OVCH1: variants seen among roughly 807,000 people sequenced by gnomAD.
OVCH1 encodes the protein ovochymase 1, also known as ovochymase-1.
In OVCH1, 139 loss-of-function variants were observed where a neutral mutation model predicts 138.4. That is an observed-to-expected ratio of 1.00 (90% CI 0.87 to 1.16). The LOEUF is 1.16. Ranked by LOEUF, OVCH1 falls within the 50% of genes most tolerant of loss-of-function variation. OVCH1 has a pLI of 0.00. For missense variants in OVCH1, 1,367 were observed against 1,357.9 expected (o/e 1.01, Z -0.11); for synonymous variants, 453 against 467.8 (o/e 0.97, Z 0.41).
intron 19 of OVCH1, chr12:29,461,632 G>A (rs974267839): frequency 4.2e-5 from 25 of 602,262 alleles, no homozygotes; most frequent in Middle Eastern, 2.7e-4. Flanking sequence ...TGAACCCACC[G>A]GCCTTTGTCG....
chr12:29,461,717 C>A, intron 19 of OVCH1, 137 bp downstream of exon 19: 1 of 1,058,378 alleles, frequency 9.4e-7, no homozygotes, highest in Non-Finnish European at 1.4e-6. Context: ...TCTGTTGCCC[C>A]ACTGGTCTTC....
chr12:29,439,646 T>C (rs1941437268), intron 25 of OVCH1, among the ~76,000 whole-genome samples: 1 of 152,154 alleles, frequency 6.6e-6, no homozygotes, highest in Non-Finnish European at 1.5e-5. Context: ...ATTCTGACAT[T>C]ATCTACCTTG....
At chr12:29,423,465 G>A (rs1157268095), downstream of OVCH1, among the ~76,000 whole-genome samples, 1 of 152,188 alleles carries the variant, frequency 6.6e-6, no homozygotes, top group African/African-American at 2.4e-5. Flanking sequence ...TGATTTGAGT[G>A]CCACAATGGA....
At chr12:29,495,400 A>G (rs779873258) in exon 4 of OVCH1, 26 of 1,613,542 alleles carry the variant, frequency 1.6e-5, no homozygotes, top group Non-Finnish European at 2.2e-5. Flanking sequence ...GTTCTTGCTT[A>G]TCCTTCTGAA....
chr12:29,489,749 T>C (rs1160870711), exon 6 of OVCH1: 2 of 1,610,778 alleles, frequency 1.2e-6, no homozygotes, highest in Non-Finnish European at 1.7e-6. Flanking sequence ...CCATTTCTTG[T>C]AGGACATTTG....
intron 15 of OVCH1, among the ~76,000 whole-genome samples, 181 bp downstream of exon 15, chr12:29,472,848 C>G (rs1942559953): frequency 6.6e-6 from 1 of 152,186 alleles, no homozygotes. Context: ...GTTCTTCCCT[C>G]TATTTATGAG....
intron 25 of OVCH1, among the ~76,000 whole-genome samples, chr12:29,442,937 CA>C (rs567190030): frequency 2.7e-4 from 40 of 149,318 alleles, no homozygotes; most frequent in South Asian, 8.5e-4. Context: ...CGATTTGTGC[CA>C]AAAAAAAAGA....
intron 21 of OVCH1, among the ~76,000 whole-genome samples, chr12:29,454,292 A>G (rs1040400485): frequency 2.0e-5 from 3 of 152,300 alleles, no homozygotes; most frequent in Non-Finnish European, 4.4e-5. Context: ...GTATTGGGGA[A>G]GATGTGGGCA....
At chr12:29,407,914 A>C (rs10843412), downstream of OVCH1, among the ~76,000 whole-genome samples, 29,653 of 146,408 alleles carry the variant, frequency 0.2, 3,225 homozygotes, top group East Asian at 0.37. Flanking sequence ...GCCATTTTCA[A>C]GATATTGATT....
rs1239055456 is a variant in OVCH1 at position 29,444,122 on chromosome 12, TATA to T, written c.3017+20_3017+22del. On this transcript the variant is annotated intron_variant, in intron 24 of 27. Coordinates refer to ENST00000318184, the Ensembl canonical transcript of OVCH1. ...AATTTTTTCCACACACTTCTTCCAT[TATA>T]ATAATCATGACTTCCTTACCCCATA... is the stretch of plus-strand genomic sequence containing the variant. 1 of 1,571,560 alleles carries T rather than the reference TATA, an allele frequency of 6.4e-7. No homozygotes were observed. The highest frequency in any genetic ancestry group is 1.4e-5 in the African/African-American group (1 of 72,628).
chr12:29,454,986 T>A, intron 20 of OVCH1, 53 bp from the exon 21 acceptor site: 1 of 1,448,618 alleles, frequency 6.9e-7, no homozygotes, highest in Non-Finnish European at 9.5e-7. Context: ...GAGAACAAAA[T>A]ATAGTGGGCA....
chr12:29,427,438 A>G (rs1941197798), downstream of OVCH1: 26 of 1,249,006 alleles, frequency 2.1e-5, no homozygotes, highest in Middle Eastern at 2.8e-4. Flanking sequence ...AAGGAAGGCT[A>G]TTTAGATTGT....
chr12:29,411,354 G>A (rs879010452), downstream of OVCH1, among the ~76,000 whole-genome samples: 10 of 151,318 alleles, frequency 6.6e-5, no homozygotes, highest in South Asian at 1.0e-3. Flanking sequence ...GAGGAACTGC[G>A]TTCCTTTGGA....
In OVCH1 at chr12:29,488,620, C is replaced by CAAAAA. The variant is rs67595567; in HGVS notation, c.703-743_703-739dup. On this transcript the variant is annotated intron_variant, in intron 6 of 27. Transcript: ENST00000318184. Reference sequence around the variant, plus strand: ...TGGGCAACAGAGTGAGACTCCATCTCAAAAAAAAAAAAAAAAAAAAAAAGA... The same window carrying CAAAAA: ...TGGGCAACAGAGTGAGACTCCATCTCAAAAAAAAAAAAAAAAAAAAAAAAAAAAGA... 5.3e-3 allele frequency among the ~76,000 whole-genome samples: 324 copies of CAAAAA among 61,054 alleles called. 1 individual carries two copies. The highest frequency in any genetic ancestry group is 6.0e-3 in the Non-Finnish European group (203 of 34,072). 40.1% of individuals were successfully genotyped at this position (61,054 alleles called of 152,430 possible).
the OVCH1 span, among the ~76,000 whole-genome samples, chr12:29,402,645 G>A: frequency 6.6e-6 from 1 of 151,544 alleles, no homozygotes; most frequent in Non-Finnish European, 1.5e-5. Context: ...TTGGGGAGAG[G>A]GAGAAAAGAA....
chr12:29,413,574 A>G (rs964944259), intron 3 of OVCH1, among the ~76,000 whole-genome samples: 89 of 152,100 alleles, frequency 5.9e-4, no homozygotes, highest in Non-Finnish European at 1.2e-4. Flanking sequence ...TTGATATATT[A>G]TGTATTTAAA....
At chr12:29,479,102 T>A (rs145421399) in intron 8 of OVCH1, among the ~76,000 whole-genome samples, 134 bp from the exon 10 acceptor site, 1 of 152,282 alleles carries the variant, frequency 6.6e-6, no homozygotes, top group African/African-American at 2.4e-5. Flanking sequence ...TAAAAGGCAA[T>A]AGAACATTGT....
At chr12:29,485,019 C>T (rs1943048596) in intron 8 of OVCH1, among the ~76,000 whole-genome samples, 1 of 152,156 alleles carries the variant, frequency 6.6e-6, no homozygotes, top group Admixed American at 6.5e-5. Context: ...AAAATCAAAA[C>T]TTTTAAAAAC....
At chr12:29,492,321 A>C (rs1943294177) in intron 4 of OVCH1, among the ~76,000 whole-genome samples, 1 of 105,912 alleles carries the variant, frequency 9.4e-6, no homozygotes, top group Non-Finnish European at 2.0e-5. Context: ...AGATTAAGTT[A>C]GTTTCATAAA....
Sources: gnomAD v4.1 joint callset for allele counts (sites outside exome capture counted in the v4.1 genomes callset) on GRCh38, gnomAD v4.1.1 for gene constraint, MANE v1.5 for transcripts, NCBI Gene and HGNC (gene_info 2026-07-23, HGNC 2026-07-21) for gene names.